Variants in NLGN4X observed in about 807,000 individuals in gnomAD.
NLGN4X encodes the protein neuroligin-4, X-linked.
NLGN4X carries 3 observed loss-of-function variants against 40.3 expected under a neutral mutation model. The ratio of observed to expected loss-of-function variants is 0.07; its 90% CI spans 0.03 to 0.19. The LOEUF (loss-of-function observed/expected upper bound fraction) is 0.19, where lower values mean the gene tolerates loss of function less well. Ranked by LOEUF, NLGN4X falls within the 10% of genes least tolerant of loss-of-function variation. The pLI, the probability that NLGN4X is intolerant of heterozygous loss-of-function variation, is 1.00. For synonymous variants in NLGN4X, 270 were observed against 306.8 expected, an observed-to-expected ratio of 0.88 and a Z score of 1.25; for missense variants, 382 against 708.3, an observed-to-expected ratio of 0.54 and a Z score of 5.23.
chrX:6,175,645 A>C (rs1182014087), intron 1 of NLGN4X, among the ~76,000 whole-genome samples: 1 of 70,267 alleles, frequency 1.4e-5, no homozygotes, highest in East Asian at 4.0e-4. Context: ...TTATATCATT[A>C]TCTATTACAG....
At position 5,941,180 on chromosome X, in the gene NLGN4X, G is replaced by GTGTGTGTGT. The variant is rs1569143828; in HGVS notation, c.626-31942_626-31941insACACACACA. On this transcript the variant is annotated intron_variant, in intron 3 of 5. Coordinates refer to ENST00000381095, the MANE Select transcript of NLGN4X (RefSeq NM_181332.3). ...CGTTGTTCTGGATCGTATGCTAGGG[G>GTGTGTGTGT]GTGTGTGTGTGTGTGTGTGTGTGTG... 8.3e-3 allele frequency among the ~76,000 whole-genome samples: 488 copies of GTGTGTGTGT among 58,621 alleles called. 11 individuals are homozygous for GTGTGTGTGT. Among genetic ancestry groups the GTGTGTGTGT allele is most frequent in the African/African-American group, 0.014 (234 of 17,290 alleles). 50.9% of individuals were successfully genotyped at this position (58,621 alleles called of 115,157 possible). A position where few individuals can be genotyped will look rare whatever the true frequency, so the allele number is the denominator to read the frequency against.
chrX:6,008,350 G>A (rs1017958644), intron 3 of NLGN4X, among the ~76,000 whole-genome samples: 3 of 111,560 alleles, frequency 2.7e-5, no homozygotes, highest in Non-Finnish European at 5.7e-5. Context: ...AACAGAATGC[G>A]GTCTATCATA....
intron 3 of NLGN4X, among the ~76,000 whole-genome samples, chrX:5,999,236 T>C (rs67484846): frequency 0.087 from 9,665 of 111,576 alleles, 857 homozygotes; most frequent in African/African-American, 0.26. Context: ...TGGCCTTAAG[T>C]TGCAGCTTGA....
At chrX:5,996,478 C>G (rs1457487290) in intron 3 of NLGN4X, among the ~76,000 whole-genome samples, 1 of 110,242 alleles carries the variant, frequency 9.1e-6, no homozygotes, top group Non-Finnish European at 1.9e-5. Flanking sequence ...GGATAATGAA[C>G]AGCCAGCCCC....
intron 2 of NLGN4X, among the ~76,000 whole-genome samples, chrX:6,041,841 T>A (rs1171368785): frequency 8.9e-6 from 1 of 112,301 alleles, no homozygotes; most frequent in African/African-American, 3.2e-5. Context: ...ATTATAAGAG[T>A]CACAGTCATA....
chrX:6,216,309 G>A (rs138754342), intron 1 of NLGN4X, among the ~76,000 whole-genome samples: 1,537 of 112,139 alleles, frequency 0.014, 28 homozygotes, highest in African/African-American at 0.047. Context: ...CAAGAATCCC[G>A]GGACTAGCAA....
chrX:6,119,697 C>G (rs902380734), intron 2 of NLGN4X, among the ~76,000 whole-genome samples: 7 of 111,029 alleles, frequency 6.3e-5, no homozygotes, highest in African/African-American at 2.3e-4. Flanking sequence ...TTTCAATATT[C>G]AAAAGATGGT....
intron 3 of NLGN4X, among the ~76,000 whole-genome samples, chrX:5,976,594 A>G: frequency 8.9e-6 from 1 of 112,256 alleles, no homozygotes; most frequent in East Asian, 2.8e-4. Context: ...GTTGGTCTCA[A>G]AAAATGAAAA....
chrX:6,151,373 G>A lies in NLGN4X; in HGVS notation c.94C>T (p.Leu32Phe). 8.3e-7 allele frequency: 1 copy of A among 1,211,666 alleles called. No homozygotes were observed. Among genetic ancestry groups the A allele is most frequent in the Non-Finnish European group, 1.1e-6 (1 of 895,310 alleles). ...TCAATGAGGGTGAACTTGATGGCAAGAGCAGTTAACCACAGGAGGACATTG... is the reference window on the plus strand; with the variant it reads ...TCAATGAGGGTGAACTTGATGGCAAAAGCAGTTAACCACAGGAGGACATTG... ...NSNVLLWLTA[L>F]AIKFTLIDSQ... Residue 32 changes from leucine (L) to phenylalanine (F), a missense_variant, in exon 2 of 6, where the codon CTT becomes TTT. Around this residue, in one of 5 missense-constraint regions of NLGN4X, gnomAD observed 115 missense variants for 149.6 expected, o/e 0.77. Coordinates refer to ENST00000381095, the MANE Select transcript of NLGN4X (RefSeq NM_181332.3).
At chrX:6,049,027 A>G (rs1275109630) in intron 2 of NLGN4X, among the ~76,000 whole-genome samples, 1 of 104,993 alleles carries the variant, frequency 9.5e-6, no homozygotes, top group Non-Finnish European at 1.9e-5. Flanking sequence ...TAAAATTTTA[A>G]AAAAGAATAA....
At chrX:6,089,905 A>G (rs1329304849) in intron 2 of NLGN4X, among the ~76,000 whole-genome samples, 1 of 111,868 alleles carries the variant, frequency 8.9e-6, no homozygotes, top group Non-Finnish European at 1.9e-5. Flanking sequence ...TGTGAAATGA[A>G]AAAGATATTA....
intron 2 of NLGN4X, among the ~76,000 whole-genome samples, chrX:6,133,577 GT>G (rs929600556): frequency 6.3e-5 from 7 of 111,577 alleles, no homozygotes; most frequent in African/African-American, 2.3e-4. Flanking sequence ...CCAATTTTCT[GT>G]TTCATGAATA....
intron 2 of NLGN4X, among the ~76,000 whole-genome samples, chrX:6,051,593 A>G (rs887009084): frequency 5.4e-5 from 6 of 110,895 alleles, no homozygotes; most frequent in Middle Eastern, 4.6e-3. Context: ...AGAGACAAGG[A>G]ACAAATTCTC....
intron 3 of NLGN4X, among the ~76,000 whole-genome samples, chrX:6,006,610 T>C (rs757958742): frequency 9.0e-6 from 1 of 111,553 alleles, no homozygotes; most frequent in Admixed American, 9.6e-5. Context: ...ATGTGCTTCA[T>C]TTCAAACGAG....
intron 1 of NLGN4X, among the ~76,000 whole-genome samples, chrX:6,208,287 C>T (rs975011831): frequency 8.9e-6 from 1 of 112,310 alleles, no homozygotes; most frequent in African/African-American, 3.2e-5. Flanking sequence ...GCATTTCGTT[C>T]TGCACTTTGT....
chrX:6,089,311 C>T (rs1051285032), intron 2 of NLGN4X, among the ~76,000 whole-genome samples: 1 of 111,779 alleles, frequency 8.9e-6, no homozygotes, highest in African/African-American at 3.2e-5. Context: ...ATATTTATCT[C>T]CCCAACATTT....
At chrX:6,221,394 TATATATATATATATA>T (rs1925682121) in intron 1 of NLGN4X, among the ~76,000 whole-genome samples, 1 of 20,369 alleles carries the variant, frequency 4.9e-5, no homozygotes, top group African/African-American at 1.9e-4. Flanking sequence ...TCTTATATTA[TATATATATATATATA>T]TATATATATA....
At chrX:6,184,821 C>A (rs1921850364) in intron 1 of NLGN4X, among the ~76,000 whole-genome samples, 1 of 112,604 alleles carries the variant, frequency 8.9e-6, no homozygotes, top group African/African-American at 3.2e-5. Context: ...GAACTCCACT[C>A]AGGAAGTTGG....
chrX:6,069,116 C>T (rs907480567), intron 2 of NLGN4X, among the ~76,000 whole-genome samples: 2 of 110,855 alleles, frequency 1.8e-5, no homozygotes, highest in Non-Finnish European at 1.9e-5. Context: ...AGTGAAACCC[C>T]GTCTTTACTA....
Sources: allele counts gnomAD v4.1 joint callset (sites outside exome capture counted in the v4.1 genomes callset), GRCh38; gene constraint gnomAD v4.1.1; regional missense constraint gnomAD v4.1.1; transcripts MANE v1.5; gene names NCBI Gene and HGNC (gene_info 2026-07-23, HGNC 2026-07-21).